DCX: variants seen among roughly 807,000 people sequenced by gnomAD.
The protein encoded by DCX is doublecortin.
In DCX, 4 loss-of-function variants were observed where a neutral mutation model predicts 20.9. The observed-to-expected ratio is 0.19, with a 90% CI of 0.09 to 0.44. The LOEUF (loss-of-function observed/expected upper bound fraction) is 0.44, where lower values mean the gene tolerates loss of function less well. Ranked by LOEUF, DCX falls within the 20% of genes least tolerant of loss-of-function variation. DCX has a pLI of 0.99. For missense variants in DCX, 133 were observed against 296.9 expected, an observed-to-expected ratio of 0.45 and a Z score of 4.06; for synonymous variants, 103 against 111.4, an observed-to-expected ratio of 0.92 and a Z score of 0.47.
chrX:111,408,524 G>A (rs979766003), intron 2 of DCX, among the ~76,000 whole-genome samples: 3 of 109,355 alleles, frequency 2.7e-5, no homozygotes, highest in African/African-American at 1.0e-4. Flanking sequence ...GGAGGCTGAG[G>A]CAGGAGGCAG....
At chrX:111,364,941 A>G (rs983578298) in intron 3 of DCX, among the ~76,000 whole-genome samples, 9 of 109,555 alleles carry the variant, frequency 8.2e-5, no homozygotes, top group Non-Finnish European at 1.5e-4. Context: ...CAGGAGTGCC[A>G]TGGTGCGATC....
At chrX:111,365,196 A>G (rs1330774341) in intron 3 of DCX, among the ~76,000 whole-genome samples, 1 of 110,168 alleles carries the variant, frequency 9.1e-6, no homozygotes, top group Non-Finnish European at 1.9e-5. Context: ...CTGGGATTAC[A>G]GGTATGAGCT....
chrX:111,375,900 T>C (rs941896040), intron 3 of DCX, among the ~76,000 whole-genome samples: 2 of 112,226 alleles, frequency 1.8e-5, no homozygotes, highest in African/African-American at 6.5e-5. Flanking sequence ...CTGCATTTCC[T>C]ACGAAGATTT....
At chrX:111,386,072 G>A (rs767723195) in intron 3 of DCX, among the ~76,000 whole-genome samples, 32 of 111,676 alleles carry the variant, frequency 2.9e-4, no homozygotes, top group Admixed American at 7.6e-4. Context: ...TCTGTTTCAG[G>A]CTGGGACTTG....
In DCX at chrX:111,298,950, T is replaced by TTGTGTGTGTGTGTG. The variant is rs559997251; in HGVS notation, c.*2723_*2736dup. 327 of 103,887 alleles carry TTGTGTGTGTGTGTG rather than the reference T, an allele frequency of 3.1e-3. 3 individuals carry two copies. The highest frequency in any genetic ancestry group is 0.011 in the African/African-American group (318 of 28,117). 8.6% of individuals were successfully genotyped at this position (103,887 alleles called of 1,213,427 possible). A position where few individuals can be genotyped will look rare whatever the true frequency, so the allele number is the denominator to read the frequency against. ...GAGGTAGGAACAAGCAAGAGATGGA[T>TTGTGTGTGTGTGTG]TGTGTGTGTGTGTGTGTGTGTGTGT... On this transcript the variant is annotated 3_prime_UTR_variant, in exon 7 of 7. Transcript: ENST00000636035.
intron 6 of DCX, among the ~76,000 whole-genome samples, chrX:111,303,878 T>C (rs1603411617): frequency 8.9e-6 from 1 of 112,265 alleles, no homozygotes; most frequent in African/African-American, 3.2e-5. Context: ...TTTTCTTTGC[T>C]GGTCACATAT....
chrX:111,356,499 T>C (rs981726817), intron 3 of DCX, among the ~76,000 whole-genome samples: 1 of 112,646 alleles, frequency 8.9e-6, no homozygotes, highest in Non-Finnish European at 1.9e-5. Context: ...TATAATTTTG[T>C]TATCTTACAG....
intron 3 of DCX, among the ~76,000 whole-genome samples, chrX:111,399,273 A>T (rs940650517): frequency 2.7e-5 from 3 of 111,359 alleles, no homozygotes; most frequent in African/African-American, 9.8e-5. Flanking sequence ...CCATTATTTG[A>T]TTTAATCCTC....
intron 3 of DCX, among the ~76,000 whole-genome samples, chrX:111,334,835 T>C (rs1307307818): frequency 1.8e-5 from 2 of 111,769 alleles, no homozygotes; most frequent in African/African-American, 6.5e-5. Flanking sequence ...GTGTCATGAG[T>C]ACTAGGATGG....
intron 2 of DCX, among the ~76,000 whole-genome samples, chrX:111,405,524 T>C (rs1928141903): frequency 9.0e-6 from 1 of 111,169 alleles, no homozygotes; most frequent in African/African-American, 3.3e-5. Flanking sequence ...GTAAATATTC[T>C]GTCCCATGGT....
At chrX:111,386,905 C>T (rs774339300) in intron 3 of DCX, among the ~76,000 whole-genome samples, 2 of 111,112 alleles carry the variant, frequency 1.8e-5, no homozygotes, top group African/African-American at 6.5e-5. Context: ...CTGAGTCCAC[C>T]GAGCCAGAAA....
At chrX:111,391,483 G>A (rs1926949099) in intron 3 of DCX, among the ~76,000 whole-genome samples, 1 of 111,297 alleles carries the variant, frequency 9.0e-6, no homozygotes, top group African/African-American at 3.3e-5. Context: ...GCTAAATATT[G>A]CCTTTGCCTT....
In DCX at chrX:111,296,454, A is replaced by G. The variant is rs1310528256; in HGVS notation, c.*5233T>C. On this transcript the variant is annotated 3_prime_UTR_variant, in exon 7 of 7. Coordinates refer to ENST00000636035, the MANE Select transcript of DCX (RefSeq NM_001195553.2). ...TGTTGAAGCCAATAAACCAAGGGAT[A>G]AAAAATTAGTCTTGTCAGCTGGGCA... 1 of 111,802 alleles carries G rather than the reference A, an allele frequency of 8.9e-6. No individual in the cohort carries two copies. Among genetic ancestry groups the G allele is most frequent in the Non-Finnish European group, 1.9e-5 (1 of 53,207 alleles). The allele number at this position is 111,802 out of a possible 1,213,427, so 9.2% of individuals were successfully genotyped here. A position where few individuals can be genotyped will look rare whatever the true frequency, so the allele number is the denominator to read the frequency against.
chrX:111,316,119 G>T (rs754552810), intron 5 of DCX, among the ~76,000 whole-genome samples: 205 of 105,129 alleles, frequency 1.9e-3, no homozygotes, highest in African/African-American at 6.7e-3. Context: ...AATGTTAAGG[G>T]TCATCTACAA....
At position 111,299,595 on chromosome X, in the gene DCX, A is replaced by T. The variant is rs1397368121; in HGVS notation, c.*2092T>A. The stretch of plus-strand genomic sequence containing the variant: ...CCATTCTTTATGCCCACACCCCCTA[A>T]TCCAAGTATCACTTTTTCCCAATTA... On this transcript the variant is annotated 3_prime_UTR_variant, in exon 7 of 7. Transcript: ENST00000636035. 9.0e-6 allele frequency: 1 copy of T among 111,254 alleles called. No homozygotes were observed. Among genetic ancestry groups the T allele is most frequent in the East Asian group, 2.8e-4 (1 of 3,543 alleles). The allele number at this position is 111,254 out of a possible 1,213,427, so 9.2% of individuals were successfully genotyped here.
At chrX:111,342,339 T>TTTATATATATATATA (rs1922326881) in intron 3 of DCX, among the ~76,000 whole-genome samples, 1 of 20,730 alleles carries the variant, frequency 4.8e-5, no homozygotes. Context: ...GAGCTAACTA[T>TTTATATATATATATA]TATATATATA....
chrX:111,346,353 T>C (rs6642889), intron 3 of DCX, among the ~76,000 whole-genome samples: 1 of 112,539 alleles, frequency 8.9e-6, no homozygotes, highest in East Asian at 2.8e-4. Context: ...GGTATATCCA[T>C]ACAATGGAAT....
At chrX:111,357,863 T>C (rs1405931636) in intron 3 of DCX, among the ~76,000 whole-genome samples, 3 of 111,683 alleles carry the variant, frequency 2.7e-5, no homozygotes, top group Non-Finnish European at 5.7e-5. Context: ...AGTCTCACTC[T>C]GTCAGCCAGG....
intron 3 of DCX, among the ~76,000 whole-genome samples, chrX:111,368,030 T>C (rs775336514): frequency 9.0e-6 from 1 of 111,295 alleles, no homozygotes; most frequent in East Asian, 2.8e-4. Context: ...GGTGGAAGAG[T>C]TCTTTACCAT....
Sources: allele counts gnomAD v4.1 joint callset (sites outside exome capture counted in the v4.1 genomes callset), GRCh38; gene constraint gnomAD v4.1.1; transcripts MANE v1.5; gene names NCBI Gene and HGNC (gene_info 2026-07-23, HGNC 2026-07-21).